GIGYF2: variants seen among roughly 807,000 people sequenced by gnomAD.
The protein encoded by GIGYF2 is GRB10-interacting GYF protein 2.
A neutral mutation model predicts 208.1 loss-of-function variants in GIGYF2; 25 were observed. The ratio of observed to expected loss-of-function variants is 0.12; its 90% CI spans 0.09 to 0.17. The LOEUF (loss-of-function observed/expected upper bound fraction) is 0.17, where lower values mean the gene tolerates loss of function less well. Ranked by LOEUF, GIGYF2 falls within the 10% of genes least tolerant of loss-of-function variation. The probability of loss-of-function intolerance (pLI) is 1.00; values close to 1 mark genes in which losing one functional copy is unlikely to be tolerated. For synonymous variants in GIGYF2, 534 were observed against 543.8 expected, an observed-to-expected ratio of 0.98 and a Z score of 0.25; for missense variants, 1,302 against 1,579.4, an observed-to-expected ratio of 0.82 and a Z score of 2.98.
chr2:232,750,987 A>G (rs937436381), intron 5 of GIGYF2, among the ~76,000 whole-genome samples: 1 of 151,750 alleles, frequency 6.6e-6, no homozygotes, highest in African/African-American at 2.4e-5. Context: ...ATGCCACTGC[A>G]TTTGGCTAGT....
In GIGYF2 at chr2:232,796,114, G is replaced by A. The variant is rs771994414; in HGVS notation, c.1532G>A (p.Arg511Lys). ...CAAGACAGTGCACTAGATGATGAAA[G>A]ATTGGCATCAAAACTGCAAGAGCAC... Reference protein sequence around the residue: ...YLQDSALDDERLASKLQEHRA... With the variant: ...YLQDSALDDEKLASKLQEHRA... The change falls in exon 14 of 29, where the codon AGA becomes AAA. Residue 511 changes from arginine (R) to lysine (K), a missense_variant. Arg to Lys is a conservative substitution (Grantham distance 26). Transcript: ENST00000373563. The A allele has an allele frequency of 1.2e-6, 2 of 1,607,944 alleles. No homozygotes were observed. The highest frequency in any genetic ancestry group is 4.5e-5 in the East Asian group (2 of 44,820).
rs752276040 is a variant in GIGYF2 at position 232,844,016 on chromosome 2, C to G, written c.2890-30C>G. ...ATAACTATTATCTAAAAACAGGAATCCTCAGCTAGCTTCTGTTTTTATGCA... is the reference window on the plus strand; with the variant it reads ...ATAACTATTATCTAAAAACAGGAATGCTCAGCTAGCTTCTGTTTTTATGCA... On this transcript the variant is annotated intron_variant, in intron 23 of 28. Coordinates refer to ENST00000373563, the MANE Select transcript of GIGYF2 (RefSeq NM_001103146.3). 5.6e-6 allele frequency: 9 copies of G among 1,602,960 alleles called. No individual in the cohort carries two copies. In the East Asian group the frequency reaches 1.8e-4, roughly 32 times the overall value.
chr2:232,836,277 T>C (rs1255332600), intron 22 of GIGYF2, among the ~76,000 whole-genome samples: 1 of 6,734 alleles, frequency 1.5e-4, no homozygotes, highest in South Asian at 1.9e-3. Context: ...TATATATATA[T>C]ATATATATAT....
At chr2:232,778,517 CA>C (rs1021614203) in intron 8 of GIGYF2, among the ~76,000 whole-genome samples, 9 of 152,242 alleles carry the variant, frequency 5.9e-5, no homozygotes, top group Admixed American at 3.9e-4. Flanking sequence ...ATAGCCTGAG[CA>C]TTTAAAGTCA....
chr2:232,796,283 G>A (rs1700220348), intron 14 of GIGYF2, 62 bp downstream of exon 14: 1 of 1,053,772 alleles, frequency 9.5e-7, no homozygotes, highest in African/African-American at 1.6e-5. Context: ...GAATCTCTAA[G>A]AAGGGATTTG....
At chr2:232,768,105 G>T (rs942173837) in intron 8 of GIGYF2, 4 of 1,379,268 alleles carry the variant, frequency 2.9e-6, no homozygotes, top group Non-Finnish European at 4.1e-6. Context: ...AATTAGCATT[G>T]AAAAAAGAAA....
At chr2:232,775,918 C>A (rs1166266698) in intron 8 of GIGYF2, among the ~76,000 whole-genome samples, 1 of 152,178 alleles carries the variant, frequency 6.6e-6, no homozygotes, top group African/African-American at 2.4e-5. Flanking sequence ...TGAGTTCTAA[C>A]CCTGTTATAT....
intron 8 of GIGYF2, chr2:232,770,756 T>C: frequency 1.5e-6 from 1 of 655,426 alleles, no homozygotes; most frequent in Non-Finnish European, 2.6e-6. Flanking sequence ...CTGTTTCTTT[T>C]CTATCTTAGA....
chr2:232,805,461 A>G (rs1269910502), intron 14 of GIGYF2, among the ~76,000 whole-genome samples: 1 of 151,988 alleles, frequency 6.6e-6, no homozygotes, highest in Non-Finnish European at 1.5e-5. Flanking sequence ...GTCTCTGATA[A>G]TTTTCTTTGC....
rs1427929592 is a variant in GIGYF2 at position 232,786,744 on chromosome 2, A to G, written c.533-406A>G. Among the ~76,000 whole-genome samples the G allele has an allele frequency of 2.6e-5, 4 of 152,190 alleles. No homozygotes were observed. In the East Asian group the frequency reaches 7.7e-4, roughly 29 times the overall value. ...CAGCAAACAAAACAACATTTATAAC[A>G]TCCTGAGGGTGGCGTTTGTGTGTGT... On this transcript the variant is annotated intron_variant, in intron 8 of 28. Coordinates refer to ENST00000373563, the MANE Select transcript of GIGYF2 (RefSeq NM_001103146.3).
rs1447203397 is a variant in GIGYF2 at position 232,806,578 on chromosome 2, G to A, written c.1727G>A (p.Ser576Asn). ...TTGGTGAAGAGAGCGTGTGATGAAA[G>A]CTTCCAACCTCTTGGCGATATCATG... ...SLLVKRACDE[S>N]FQPLGDIMKM... The change falls in exon 15 of 29, where the codon AGC becomes AAC. Residue 576 changes from serine (S) to asparagine (N), a missense_variant. Physicochemically the swap from Ser to Asn is conservative, Grantham distance 46. Transcript: ENST00000373563. The surrounding 1 kb of genome is among the most constrained non-coding windows in gnomAD (Gnocchi z 4.0). 13 of 1,612,246 alleles carry A rather than the reference G, an allele frequency of 8.1e-6. No individual in the cohort carries two copies. The highest frequency in any genetic ancestry group is 1.7e-5 in the Admixed American group (1 of 60,016).
At chr2:232,762,746 T>G (rs1314242138) in intron 8 of GIGYF2, among the ~76,000 whole-genome samples, 10 of 152,172 alleles carry the variant, frequency 6.6e-5, no homozygotes, top group Non-Finnish European at 1.5e-4. Context: ...ATATTTATAT[T>G]AATGAAAACC....
chr2:232,754,878 C>G (rs1279692514), intron 5 of GIGYF2, among the ~76,000 whole-genome samples: 1 of 149,026 alleles, frequency 6.7e-6, no homozygotes, highest in African/African-American at 2.5e-5. Context: ...GATTATATAC[C>G]TATAAAGTAA....
chr2:232,835,357 T>C (rs1193776795), intron 22 of GIGYF2, among the ~76,000 whole-genome samples: 1 of 152,222 alleles, frequency 6.6e-6, no homozygotes, highest in Non-Finnish European at 1.5e-5. Context: ...TGTGACACTG[T>C]CATCATACCT....
At chr2:232,704,855 G>GTTTTTTT (rs1559370305) in intron 2 of GIGYF2, among the ~76,000 whole-genome samples, 6 of 79,534 alleles carry the variant, frequency 7.5e-5, no homozygotes, top group Non-Finnish European at 1.0e-4. Flanking sequence ...TTAACTTCTG[G>GTTTTTTT]ATTTTTTTTT....
chr2:232,717,120 T>C (rs901441961), intron 2 of GIGYF2, among the ~76,000 whole-genome samples: 3 of 152,018 alleles, frequency 2.0e-5, no homozygotes, highest in African/African-American at 4.8e-5. Context: ...GGCCTTGAAG[T>C]ATTTGTAATT....
intron 2 of GIGYF2, among the ~76,000 whole-genome samples, chr2:232,732,017 T>A (rs1213697107): frequency 6.6e-6 from 1 of 152,164 alleles, no homozygotes; most frequent in East Asian, 1.9e-4. Context: ...TTCTGGGTAT[T>A]TAGAGTCTGA....
At chr2:232,782,296 C>G (rs1276181031) in intron 8 of GIGYF2, among the ~76,000 whole-genome samples, 2 of 152,136 alleles carry the variant, frequency 1.3e-5, no homozygotes, top group East Asian at 1.9e-4. Flanking sequence ...CTCCTAAACT[C>G]AAGTGATCCT....
At chr2:232,836,337 T>C (rs1220750576) in intron 22 of GIGYF2, among the ~76,000 whole-genome samples, 1 of 39,808 alleles carries the variant, frequency 2.5e-5, no homozygotes, top group Admixed American at 3.7e-4. Context: ...TATACATATA[T>C]ATACTTATAT....
Sources: gnomAD v4.1 joint callset for allele counts (sites outside exome capture counted in the v4.1 genomes callset) on GRCh38, gnomAD v4.1.1 for gene constraint, Gnocchi (gnomAD v3.1) non-coding constraint, MANE v1.5 for transcripts, NCBI Gene and HGNC (gene_info 2026-07-23, HGNC 2026-07-21) for gene names.